Variants in NTM observed in about 807,000 individuals in gnomAD.
NTM encodes the protein neurotrimin.
NTM carries 13 observed loss-of-function variants against 42.1 expected under a neutral mutation model. The ratio of observed to expected loss-of-function variants is 0.31; its 90% CI spans 0.20 to 0.49. NTM has a LOEUF of 0.49. NTM is among the 20% of genes least tolerant of loss of function. The pLI is 0.99. For missense variants in NTM, 373 were observed against 452.8 expected (o/e 0.82, Z 1.60); for synonymous variants, 187 against 179.2 (o/e 1.04, Z -0.35).
At chr11:131,746,821 G>A (rs914905780) in intron 1 of NTM, among the ~76,000 whole-genome samples, 8 of 152,004 alleles carry the variant, frequency 5.3e-5, no homozygotes, top group Non-Finnish European at 8.8e-5. Flanking sequence ...AAAAGGCAGC[G>A]ATGTCAACAA....
chr11:132,305,792 A>T (rs187587471), intron 4 of NTM, among the ~76,000 whole-genome samples: 141 of 152,316 alleles, frequency 9.3e-4, no homozygotes, highest in African/African-American at 3.3e-3. Flanking sequence ...CATAAAGGCT[A>T]CTGAGACCAT....
intron 7 of NTM, among the ~76,000 whole-genome samples, chr11:132,316,158 G>T (rs2095424085): frequency 7.1e-6 from 1 of 140,944 alleles, no homozygotes; most frequent in East Asian, 2.1e-4. Context: ...TGACTTGGTT[G>T]CATGAAATGG....
At chr11:132,245,366 T>C (rs1349781919) in intron 4 of NTM, among the ~76,000 whole-genome samples, 1 of 150,840 alleles carries the variant, frequency 6.6e-6, no homozygotes, top group Non-Finnish European at 1.5e-5. Flanking sequence ...AAGTGCAGAG[T>C]AGAGAAGTGG....
chr11:131,879,229 G>A (rs962363352), intron 1 of NTM, among the ~76,000 whole-genome samples: 2 of 152,052 alleles, frequency 1.3e-5, no homozygotes, highest in African/African-American at 4.8e-5. Context: ...CTTTTACTAT[G>A]GCCCATCCCA....
At chr11:132,199,717 T>G (rs1228599076) in intron 3 of NTM, among the ~76,000 whole-genome samples, 1 of 151,110 alleles carries the variant, frequency 6.6e-6, no homozygotes, top group Non-Finnish European at 1.5e-5. Flanking sequence ...TTGCCCTTTT[T>G]GATATAAAGT....
chr11:131,529,749 CTA>C (rs1368317431), intron 1 of NTM, among the ~76,000 whole-genome samples: 1 of 152,168 alleles, frequency 6.6e-6, no homozygotes, highest in Admixed American at 6.5e-5. Context: ...TGACGCCCAC[CTA>C]CCCTTAGATA....
At chr11:131,499,329 T>C (rs776330432) in intron 1 of NTM, among the ~76,000 whole-genome samples, 11 of 152,152 alleles carry the variant, frequency 7.2e-5, no homozygotes, top group Non-Finnish European at 1.3e-4. Flanking sequence ...ATCTTTGATA[T>C]AAGTGTAATG....
intron 1 of NTM, among the ~76,000 whole-genome samples, chr11:131,448,131 C>T (rs917522572): frequency 6.6e-6 from 1 of 152,192 alleles, no homozygotes; most frequent in Non-Finnish European, 1.5e-5. Flanking sequence ...GGGTGAGTGC[C>T]CACTCTCAGA....
At chr11:131,751,574 A>G in intron 1 of NTM, among the ~76,000 whole-genome samples, 1 of 147,848 alleles carries the variant, frequency 6.8e-6, no homozygotes, top group East Asian at 2.0e-4. Flanking sequence ...TGGGCAAAAG[A>G]GCAAGACTCC....
chr11:132,162,449 G>A (rs2074497150), intron 3 of NTM, among the ~76,000 whole-genome samples: 1 of 148,194 alleles, frequency 6.7e-6, no homozygotes, highest in African/African-American at 2.5e-5. Context: ...TAGAGCATGT[G>A]TGTGAGTGCT....
Position 131,418,541 on chromosome 11 carries a change from C to A in NTM, c.82+47653C>A, listed in dbSNP as rs79912242. ...TGACAGCAGGTAGAGAGGGAACAAA[C>A]AGCATGTGAATGCAGAGCAAGTGGT... On this transcript the variant is annotated intron_variant, in intron 1 of 8. Transcript: ENST00000683400. 8.6e-4 allele frequency among the ~76,000 whole-genome samples: 131 copies of A among 152,300 alleles called. 1 individual carries two copies. The highest frequency in any genetic ancestry group is 6.8e-3 in the Middle Eastern group (2 of 294).
chr11:132,025,020 T>C (rs1263220592), intron 2 of NTM, among the ~76,000 whole-genome samples: 2 of 152,186 alleles, frequency 1.3e-5, no homozygotes, highest in Non-Finnish European at 1.5e-5. Context: ...AGAATGTCTC[T>C]CCACTGACTG....
At chr11:131,955,286 T>C (rs1367560517) in intron 2 of NTM, among the ~76,000 whole-genome samples, 2 of 152,162 alleles carry the variant, frequency 1.3e-5, no homozygotes, top group African/African-American at 2.4e-5. Context: ...TGTTTTAAAC[T>C]GCGTTGCCTG....
chr11:131,585,447 A>G (rs1192107649), intron 1 of NTM, among the ~76,000 whole-genome samples: 1 of 152,122 alleles, frequency 6.6e-6, no homozygotes, highest in Non-Finnish European at 1.5e-5. Flanking sequence ...TTCCTGCAGG[A>G]AAGGAGGGTA....
At chr11:132,274,491 G>T (rs1261349715) in intron 4 of NTM, among the ~76,000 whole-genome samples, 1 of 152,008 alleles carries the variant, frequency 6.6e-6, no homozygotes, top group Non-Finnish European at 1.5e-5. Context: ...CAGATGACCT[G>T]CTCTTATATG....
At chr11:131,603,093 G>A (rs375619263) in intron 1 of NTM, among the ~76,000 whole-genome samples, 10 of 152,156 alleles carry the variant, frequency 6.6e-5, no homozygotes, top group African/African-American at 1.9e-4. Flanking sequence ...TCCTTTGCTC[G>A]ATCCTTTTAA....
intron 2 of NTM, among the ~76,000 whole-genome samples, chr11:131,986,775 C>A (rs1354887367): frequency 6.6e-6 from 1 of 152,130 alleles, no homozygotes; most frequent in African/African-American, 2.4e-5. Flanking sequence ...TTGCCACTGC[C>A]TAGAAGAGTG....
At chr11:132,113,371 T>G (rs1020229672) in intron 2 of NTM, among the ~76,000 whole-genome samples, 8 of 152,234 alleles carry the variant, frequency 5.3e-5, no homozygotes, top group Non-Finnish European at 1.0e-4. Flanking sequence ...AGAGGAAAGC[T>G]ATCTTAACAT....
intron 1 of NTM, among the ~76,000 whole-genome samples, chr11:131,789,761 C>T (rs1407822652): frequency 1.3e-5 from 2 of 149,800 alleles, no homozygotes; most frequent in Non-Finnish European, 3.0e-5. Context: ...TCAAGACCAT[C>T]CTGGCTAACA....
Sources: gnomAD v4.1 joint callset for allele counts (sites outside exome capture counted in the v4.1 genomes callset) on GRCh38, gnomAD v4.1.1 for gene constraint, MANE v1.5 for transcripts, NCBI Gene and HGNC (gene_info 2026-07-23, HGNC 2026-07-21) for gene names.